Variants in TTC23 observed in about 807,000 individuals in gnomAD.
TTC23 encodes the protein tetratricopeptide repeat domain 23, also known as tetratricopeptide repeat protein 23.
Under a neutral mutation model 55.1 loss-of-function variants are expected in TTC23, and 58 were observed. The ratio of observed to expected loss-of-function variants is 1.05; its 90% CI spans 0.85 to 1.31. TTC23 has a LOEUF of 1.31. TTC23 is among the 50% of genes most tolerant of loss of function. The pLI, the probability that TTC23 is intolerant of heterozygous loss-of-function variation, is 0.00. For synonymous variants in TTC23, 203 were observed against 199.9 expected, an observed-to-expected ratio of 1.02 and a Z score of -0.13; for missense variants, 516 against 534.4, an observed-to-expected ratio of 0.97 and a Z score of 0.34.
At chr15:99,141,636 C>G (rs1300084567) in intron 12 of TTC23, among the ~76,000 whole-genome samples, 1 of 152,158 alleles carries the variant, frequency 6.6e-6, no homozygotes, top group East Asian at 1.9e-4. Flanking sequence ...TGGGGACTTA[C>G]TACTGAAGCC....
At chr15:99,178,826 T>C (rs982316184) in intron 9 of TTC23, among the ~76,000 whole-genome samples, 2 of 152,154 alleles carry the variant, frequency 1.3e-5, no homozygotes, top group African/African-American at 4.8e-5. Context: ...ATCCCTGGCA[T>C]GGAGGAAACC....
chr15:99,201,396 G>A (rs920845219), intron 8 of TTC23, among the ~76,000 whole-genome samples: 2 of 151,962 alleles, frequency 1.3e-5, no homozygotes, highest in Non-Finnish European at 2.9e-5. Context: ...CTCCTATGTT[G>A]CCCTCCACTC....
intron 11 of TTC23, chr15:99,157,286 T>C (rs2602025): frequency 0.79 from 117,970 of 149,396 alleles, 46,730 homozygotes; most frequent in African/African-American, 0.86. Context: ...ATCTCAGCTC[T>C]CTGCAACCTC....
intron 5 of TTC23, among the ~76,000 whole-genome samples, chr15:99,225,168 C>A (rs1430634851): frequency 6.6e-6 from 1 of 152,148 alleles, no homozygotes; most frequent in Non-Finnish European, 1.5e-5. Context: ...TTCTCAGGAC[C>A]TGAGTAGGGA....
intron 10 of TTC23, among the ~76,000 whole-genome samples, chr15:99,167,458 T>C (rs2072282803): frequency 6.6e-6 from 1 of 152,224 alleles, no homozygotes; most frequent in Admixed American, 6.5e-5. Flanking sequence ...ACGAATCTTC[T>C]ATTTTCACTC....
At chr15:99,178,918 G>A (rs999245387) in intron 9 of TTC23, among the ~76,000 whole-genome samples, 15 of 152,232 alleles carry the variant, frequency 9.9e-5, no homozygotes, top group South Asian at 2.1e-4. Flanking sequence ...GGAAATGAGC[G>A]GTGGGTTTCA....
chr15:99,200,223 A>G (rs1277773248), intron 8 of TTC23, 127 bp from the exon 9 acceptor site: 1 of 837,126 alleles, frequency 1.2e-6, no homozygotes, highest in Non-Finnish European at 1.7e-6. Flanking sequence ...TTGCTAACTA[A>G]GCATTTCCTC....
intron 8 of TTC23, among the ~76,000 whole-genome samples, chr15:99,200,769 T>C (rs2076136215): frequency 6.6e-6 from 1 of 152,158 alleles, no homozygotes; most frequent in South Asian, 2.1e-4. Flanking sequence ...GATATATATA[T>C]AGAACATTTA....
At chr15:99,246,139 C>T (rs1438401564) in intron 1 of TTC23, among the ~76,000 whole-genome samples, 2 of 149,794 alleles carry the variant, frequency 1.3e-5, no homozygotes, top group Non-Finnish European at 3.0e-5. Flanking sequence ...AGATATAACA[C>T]CAAAAGCATA....
chr15:99,189,979 C>A (rs1422580863), intron 9 of TTC23, among the ~76,000 whole-genome samples: 1 of 152,056 alleles, frequency 6.6e-6, no homozygotes, highest in Non-Finnish European at 1.5e-5. Context: ...GAGTTTGAAA[C>A]CAGCCTGGGT....
chr15:99,216,465 T>C (rs189216488), intron 8 of TTC23, among the ~76,000 whole-genome samples: 23 of 151,924 alleles, frequency 1.5e-4, no homozygotes, highest in African/African-American at 5.3e-4. Flanking sequence ...AAGCGGGCAA[T>C]AGATGTAAGA....
intron 2 of TTC23, among the ~76,000 whole-genome samples, chr15:99,241,960 C>G (rs1567568753): frequency 6.6e-6 from 1 of 152,068 alleles, no homozygotes; most frequent in South Asian, 2.1e-4. Context: ...CATGTCAAAA[C>G]CCCGTCTCCA....
In TTC23 at chr15:99,236,851, A is replaced by T. The variant is rs187971975; in HGVS notation, c.-113-1771T>A. Among the ~76,000 whole-genome samples, 12 of 152,258 alleles carry T rather than the reference A, an allele frequency of 7.9e-5. No homozygotes were observed. In the East Asian group the frequency reaches 2.3e-3, roughly 29 times the overall value. On this transcript the variant is annotated intron_variant, in intron 3 of 13. Transcript: ENST00000394132. ...TGATTATTGTCCTGTTTTTGCACAAAAGTTTTCAATTTTGAAGTAGCCCAA... is the reference window on the plus strand; with the variant it reads ...TGATTATTGTCCTGTTTTTGCACAATAGTTTTCAATTTTGAAGTAGCCCAA...
rs535380554 is a variant in TTC23, at chr15:99,194,725, C to T, written c.759+5194G>A. Among the ~76,000 whole-genome samples the T allele has an allele frequency of 6.8e-4, 103 of 152,246 alleles. 2 individuals are homozygous for T. The South Asian group carries it at 0.019, about 28-fold the overall frequency. Reference sequence around the variant, plus strand: ...CACAGGTAGGCAGATCACCTGAGGTCGGGAGGTCAAGACCAGCCTGACCAA... The same window carrying T: ...CACAGGTAGGCAGATCACCTGAGGTTGGGAGGTCAAGACCAGCCTGACCAA... On this transcript the variant is annotated intron_variant, in intron 9 of 13. Coordinates refer to ENST00000394132, the MANE Select transcript of TTC23 (RefSeq NM_001288615.3).
chr15:99,187,128 C>T (rs1377269330), intron 9 of TTC23, among the ~76,000 whole-genome samples: 1 of 151,882 alleles, frequency 6.6e-6, no homozygotes, highest in Non-Finnish European at 1.5e-5. Flanking sequence ...ATCAATGGAA[C>T]AGAATTGAGA....
rs554814023 is a variant in TTC23, at chr15:99,198,580, T to C, written c.759+1339A>G. Among the ~76,000 whole-genome samples, 3 of 152,338 alleles carry C rather than the reference T, an allele frequency of 2.0e-5. No homozygotes were observed. The South Asian group carries it at 6.2e-4, about 32-fold the overall frequency. ...TCTCTACAAATCATCCAGAACAATC[T>C]TTCTTAAGTATTGGTTTTGAATGTG... On this transcript the variant is annotated intron_variant, in intron 9 of 13. Transcript: ENST00000394132.
chr15:99,168,283 C>T (rs146953666), intron 10 of TTC23, among the ~76,000 whole-genome samples: 5 of 152,252 alleles, frequency 3.3e-5, no homozygotes, highest in African/African-American at 4.8e-5. Context: ...AGGTGAGGCT[C>T]GCAAGGTATA....
At chr15:99,172,955 C>A (rs555621258) in intron 10 of TTC23, among the ~76,000 whole-genome samples, 1 of 152,342 alleles carries the variant, frequency 6.6e-6, no homozygotes, top group South Asian at 2.1e-4. Context: ...CCTAACTTCA[C>A]AGCTATGGGA....
At chr15:99,165,567 G>A (rs963734465) in intron 10 of TTC23, among the ~76,000 whole-genome samples, 1 of 152,200 alleles carries the variant, frequency 6.6e-6, no homozygotes, top group Non-Finnish European at 1.5e-5. Flanking sequence ...CCTGGGGTCT[G>A]CAGTGAGGCA....
Sources: allele counts gnomAD v4.1 joint callset (sites outside exome capture counted in the v4.1 genomes callset), GRCh38; gene constraint gnomAD v4.1.1; transcripts MANE v1.5; gene names NCBI Gene and HGNC (gene_info 2026-07-23, HGNC 2026-07-21).